The following CRPPA variants were observed in gnomAD, a reference collection of about 807,000 sequenced individuals.
CRPPA encodes the protein D-ribitol-5-phosphate cytidylyltransferase.
A neutral mutation model predicts 52.0 loss-of-function variants in CRPPA; 43 were observed. That is an observed-to-expected ratio of 0.83 (90% CI 0.65 to 1.07). The LOEUF (loss-of-function observed/expected upper bound fraction) is 1.07, where lower values mean the gene tolerates loss of function less well. CRPPA is among the 50% of genes least tolerant of loss of function. CRPPA has a pLI of 0.00. For missense variants in CRPPA, 629 were observed against 551.7 expected (o/e 1.14, Z -1.40); for synonymous variants, 250 against 203.5 (o/e 1.23, Z -1.94).
At chr7:16,290,632 C>A (rs1382169789) in intron 5 of CRPPA, among the ~76,000 whole-genome samples, 2 of 151,846 alleles carry the variant, frequency 1.3e-5, no homozygotes. Flanking sequence ...TCATCATATA[C>A]AAAAATAAAC....
In CRPPA at chr7:16,216,169, G is replaced by A; in HGVS notation, c.1148C>T (p.Pro383Leu). 2 of 1,583,906 alleles carry A rather than the reference G, an allele frequency of 1.3e-6. No homozygotes were observed. The highest frequency in any genetic ancestry group is 8.6e-7 in the Non-Finnish European group (1 of 1,158,868). The change falls in exon 9 of 10, where the codon CCT becomes CTT. Residue 383 changes from proline to leucine, a missense_variant. Coordinates refer to ENST00000407010, the MANE Select transcript of CRPPA (RefSeq NM_001101426.4). ...TAGGTTTTCCATTTTCTGACTGGGA[G>A]GTACTAATTTAAAATCAAGAAAATG... ...SVHFLDFKLV[P>L]PSQKMENLMQ...
chr7:16,226,986 A>G (rs1782668874), intron 8 of CRPPA, among the ~76,000 whole-genome samples: 1 of 151,908 alleles, frequency 6.6e-6, no homozygotes, highest in Admixed American at 6.6e-5. Context: ...GAGCAACATC[A>G]TTCAGTATTT....
At position 16,259,015 on chromosome 7, in the gene CRPPA, A is replaced by G. The variant is rs773791866; in HGVS notation, c.934-3T>C. The stretch of plus-strand genomic sequence containing the variant: ...GCCTCAGATGTGACTTTTACATGCT[A>G]GTAGGAAAAAACAGAAATGAATTCA... On this transcript the variant is annotated splice_region_variant and splice_polypyrimidine_tract_variant and intron_variant, in intron 6 of 9. Transcript: ENST00000407010. 1 of 1,599,806 alleles carries G rather than the reference A, an allele frequency of 6.3e-7. No homozygotes were observed. Among genetic ancestry groups the G allele is most frequent in the South Asian group, 1.1e-5 (1 of 88,990 alleles).
chr7:16,344,211 T>C (rs1785943283), intron 3 of CRPPA, among the ~76,000 whole-genome samples: 1 of 151,802 alleles, frequency 6.6e-6, no homozygotes, highest in African/African-American at 2.4e-5. Context: ...ATTGCCAATA[T>C]AGAGGAGGGA....
intron 5 of CRPPA, among the ~76,000 whole-genome samples, chr7:16,284,087 A>T (rs1178476796): frequency 1.3e-5 from 2 of 152,034 alleles, no homozygotes; most frequent in Non-Finnish European, 2.9e-5. Flanking sequence ...TTTCTTTTTT[A>T]AAAGATTATT....
chr7:16,404,958 A>G (rs536562565), intron 2 of CRPPA, among the ~76,000 whole-genome samples: 8 of 152,348 alleles, frequency 5.3e-5, no homozygotes, highest in African/African-American at 1.9e-4. Context: ...CATTTGGTCT[A>G]TGAAATTCTT....
At chr7:16,270,893 A>G (rs971933138) in intron 6 of CRPPA, among the ~76,000 whole-genome samples, 3 of 151,946 alleles carry the variant, frequency 2.0e-5, no homozygotes, top group African/African-American at 7.3e-5. Flanking sequence ...TCTTTATTGC[A>G]TGTGCTAGTT....
At chr7:16,362,295 T>C (rs562228797) in intron 3 of CRPPA, among the ~76,000 whole-genome samples, 7 of 152,306 alleles carry the variant, frequency 4.6e-5, no homozygotes, top group African/African-American at 9.6e-5. Flanking sequence ...TGCCAGCAGA[T>C]TTGATGTCTG....
intron 2 of CRPPA, among the ~76,000 whole-genome samples, chr7:16,398,625 T>C (rs1036732621): frequency 6.6e-6 from 1 of 152,070 alleles, no homozygotes; most frequent in Non-Finnish European, 1.5e-5. Flanking sequence ...ATCACCAACA[T>C]GACTGACACG....
At chr7:16,340,523 AC>A (rs1414728027) in intron 3 of CRPPA, among the ~76,000 whole-genome samples, 32 of 152,056 alleles carry the variant, frequency 2.1e-4, no homozygotes, top group East Asian at 7.7e-4. Flanking sequence ...TCCAAGTAAA[AC>A]AATAAGATAA....
At chr7:16,117,651 A>G (rs1583368221) in intron 9 of CRPPA, among the ~76,000 whole-genome samples, 1 of 152,204 alleles carries the variant, frequency 6.6e-6, no homozygotes, top group Admixed American at 6.5e-5. Flanking sequence ...TGGCAGCTTC[A>G]CAACTTCCTT....
chr7:16,215,895 ATT>A (rs1562562724), intron 9 of CRPPA, among the ~76,000 whole-genome samples, 169 bp downstream of exon 9: 1 of 152,084 alleles, frequency 6.6e-6, no homozygotes, highest in Non-Finnish European at 1.5e-5. Context: ...ATTGGTTTCT[ATT>A]TTTTTCCTAG....
At chr7:16,409,443 A>G (rs896038366) in intron 1 of CRPPA, among the ~76,000 whole-genome samples, 12 of 152,178 alleles carry the variant, frequency 7.9e-5, no homozygotes, top group African/African-American at 2.9e-4. Flanking sequence ...TTCAGCAAAG[A>G]GAGAAAGGAT....
intron 8 of CRPPA, among the ~76,000 whole-genome samples, chr7:16,227,286 A>G (rs1053913131): frequency 2.0e-5 from 3 of 151,762 alleles, no homozygotes; most frequent in East Asian, 3.9e-4. Flanking sequence ...CATTAGTTCT[A>G]TTTTTAATTT....
At chr7:16,110,436 G>C (rs1190593741) in intron 9 of CRPPA, among the ~76,000 whole-genome samples, 2 of 151,984 alleles carry the variant, frequency 1.3e-5, no homozygotes, top group Non-Finnish European at 2.9e-5. Flanking sequence ...AAGTTCATAT[G>C]GAACTGCAAA....
intron 9 of CRPPA, among the ~76,000 whole-genome samples, chr7:16,179,928 A>G (rs1235243678): frequency 6.6e-6 from 1 of 152,154 alleles, no homozygotes; most frequent in Admixed American, 6.6e-5. Context: ...GTTACATTAC[A>G]TTCATTTTAA....
intron 9 of CRPPA, among the ~76,000 whole-genome samples, chr7:16,106,460 A>T (rs1782153755): frequency 6.6e-6 from 1 of 152,174 alleles, no homozygotes; most frequent in Non-Finnish European, 1.5e-5. Context: ...GCCAGAAACT[A>T]TGCCTAATAG....
At chr7:16,307,993 C>T (rs943634744) in intron 4 of CRPPA, among the ~76,000 whole-genome samples, 1 of 151,192 alleles carries the variant, frequency 6.6e-6, no homozygotes, top group African/African-American at 2.4e-5. Flanking sequence ...ATTGTAAGCT[C>T]TAACCATGGA....
chr7:16,258,262 T>G lies in CRPPA; in HGVS notation c.1119+128A>C, dbSNP rs1257690563. On this transcript the variant is annotated intron_variant, in intron 8 of 9. Coordinates refer to ENST00000407010, the MANE Select transcript of CRPPA (RefSeq NM_001101426.4). ...CATAGCTAGAGAGTAAGCAGAGGAA[T>G]CCACAAACAAGAGTTTCTTTTGAGT... 9.5e-6 allele frequency: 5 copies of G among 523,990 alleles called. No homozygotes were observed. The African/African-American group carries it at 9.9e-5, about 10-fold the overall frequency. The allele number at this position is 523,990 out of a possible 1,614,324, so 32.5% of individuals were successfully genotyped here.
Sources: gnomAD v4.1 joint callset for allele counts (sites outside exome capture counted in the v4.1 genomes callset) on GRCh38, gnomAD v4.1.1 for gene constraint, MANE v1.5 for transcripts, NCBI Gene and HGNC (gene_info 2026-07-23, HGNC 2026-07-21) for gene names.